The following RBM23 variants were observed in gnomAD, a reference collection of about 807,000 sequenced individuals.
The protein encoded by RBM23 is RNA binding motif protein 23.
RBM23 carries 53 observed loss-of-function variants against 56.2 expected under a neutral mutation model. The ratio of observed to expected loss-of-function variants is 0.94; its 90% confidence interval spans 0.76 to 1.19. RBM23 has a LOEUF of 1.19. RBM23 is among the 50% of genes most tolerant of loss of function. The pLI is 0.00. For missense variants in RBM23, 642 were observed against 590.3 expected (o/e 1.09, Z -0.91); for synonymous variants, 197 against 198.5 (o/e 0.99, Z 0.06).
chr14:22,902,459 C>A (rs2040723604), intron 10 of RBM23, 77 bp from the exon 11 acceptor site: 1 of 1,506,540 alleles, frequency 6.6e-7, no homozygotes, highest in Non-Finnish European at 8.9e-7. Flanking sequence ...ACTCCCTAGT[C>A]CTACTATCCC....
At chr14:22,904,402 T>C in intron 9 of RBM23, 76 bp from the exon 10 acceptor site, 2 of 1,278,390 alleles carry the variant, frequency 1.6e-6, no homozygotes, top group Non-Finnish European at 2.2e-6. Flanking sequence ...AGACTGCTTT[T>C]TTTTTTTTTT....
chr14:22,894,269 C>A lies in RBM23; in HGVS notation c.*7461G>T, dbSNP rs956480413. The A allele has an allele frequency of 8.5e-5, 13 of 152,216 alleles. No homozygotes were observed. Among genetic ancestry groups the A allele is most frequent in the Non-Finnish European group, 2.9e-5 (2 of 68,048 alleles). The allele number at this position is 152,216 out of a possible 1,614,324, so 9.4% of individuals were successfully genotyped here. A position where few individuals can be genotyped will look rare whatever the true frequency, so the allele number is the denominator to read the frequency against. On this transcript the variant is annotated 3_prime_UTR_variant, in exon 14 of 14. Coordinates refer to ENST00000359890, the MANE Select transcript of RBM23 (RefSeq NM_001077351.2). ...AAAGTCCAACGTGCCTTCCATAGGA[C>A]TCACGGGTAACACTTTTTTGGGTTT...
rs534626425 is a variant in RBM23 at position 22,893,367 on chromosome 14, A to T, written c.*8363T>A. ...ATATGCCAATCAGTGTGCCGGGCCC[A>T]ATGGGGAAAACAAATACAAATAAGA... On this transcript the variant is annotated 3_prime_UTR_variant, in exon 14 of 14. Transcript: ENST00000359890. 2 of 152,308 alleles carry T rather than the reference A, an allele frequency of 1.3e-5. No homozygotes were observed. The highest frequency in any genetic ancestry group is 3.9e-4 in the East Asian group (2 of 5,180). 9.4% of individuals were successfully genotyped at this position (152,308 alleles called of 1,614,324 possible). A position where few individuals can be genotyped will look rare whatever the true frequency, so the allele number is the denominator to read the frequency against.
At chr14:22,911,035 C>G (rs1487154487) in intron 2 of RBM23, among the ~76,000 whole-genome samples, 1 of 152,042 alleles carries the variant, frequency 6.6e-6, no homozygotes, top group Non-Finnish European at 1.5e-5. Flanking sequence ...GAAATTGGTG[C>G]TAGGTCTGAG....
chr14:22,906,640 G>C (rs1446499723), intron 4 of RBM23, among the ~76,000 whole-genome samples: 1 of 152,240 alleles, frequency 6.6e-6, no homozygotes, highest in South Asian at 2.1e-4. Flanking sequence ...AGAAAGACTA[G>C]TGTTTACTAG....
rs2042485938 is a variant in RBM23 at position 22,911,339 on chromosome 14, T to C, written c.55A>G (p.Lys19Glu). The change falls in exon 2 of 14, where the codon AAA (lysine) becomes GAA (glutamate). Residue 19 changes from lysine (K) to glutamate (E), a missense_variant. By Grantham distance (56) the Lys-to-Glu change is moderately conservative (BLOSUM62 1). Coordinates refer to ENST00000359890, the MANE Select transcript of RBM23 (RefSeq NM_001077351.2). ...GTGGAAAATATTACCTCTTCTTTTT[T>C]ATAGGGAGCTTCCAGCATGGCCTCA... ...VIEAMLEAPY[K>E]KEEDEQQRKE... is the part of the protein sequence containing the mutation. 2 of 1,613,724 alleles carry C rather than the reference T, an allele frequency of 1.2e-6. No homozygotes were observed. The highest frequency in any genetic ancestry group is 1.7e-6 in the Non-Finnish European group (2 of 1,179,750).
At chr14:22,913,797 C>T (rs1010153669) in intron 1 of RBM23, 4 of 151,620 alleles carry the variant, frequency 2.6e-5, no homozygotes, top group African/African-American at 9.7e-5. Context: ...TGCAATGAGC[C>T]GAGAACGCGC....
Position 22,902,369 on chromosome 14 carries a change from T to A in RBM23, c.944A>T (p.Glu315Val). ...CTGTTCCAGGGCCCGCCGGGCACAC[T>A]CAGAATCAGAGAACTATGAGAAACC... is the stretch of plus-strand genomic sequence containing the variant. Reference protein sequence around the residue: ...GYGFITFSDSECARRALEQLN... With the variant: ...GYGFITFSDSVCARRALEQLN... Residue 315 changes from glutamate (E) to valine (V), a missense_variant, in exon 11 of 14, where the codon GAG becomes GTG. Transcript: ENST00000359890. 2 of 1,612,208 alleles carry A rather than the reference T, an allele frequency of 1.2e-6. No individual in the cohort carries two copies. The highest frequency in any genetic ancestry group is 1.7e-6 in the Non-Finnish European group (2 of 1,178,448).
In RBM23 at chr14:22,905,007, C is replaced by T. The variant is rs779141384; in HGVS notation, c.732G>A (p.Glu244=). The part of the protein sequence containing the change: ...VPIIVQASQA[E]KNRLAAMANN... ...TGGCCATGGCTGCCAGTCGGTTTTTCTCTGCCTGGGGAAGGAGGAAATGAT... is the reference window on the plus strand; with the variant it reads ...TGGCCATGGCTGCCAGTCGGTTTTTTTCTGCCTGGGGAAGGAGGAAATGAT... The change falls in exon 9 of 14, where the codon GAG becomes GAA. Residue 244 remains glutamate (E), a synonymous_variant. Coordinates refer to ENST00000359890, the MANE Select transcript of RBM23 (RefSeq NM_001077351.2). The T allele has an allele frequency of 1.9e-6, 3 of 1,614,210 alleles. No individual in the cohort carries two copies. Among genetic ancestry groups the T allele is most frequent in the South Asian group, 1.1e-5 (1 of 91,090 alleles).
In RBM23 at chr14:22,905,412, C is replaced by A. The variant is rs572895941; in HGVS notation, c.497G>T (p.Arg166Leu). Residue 166 changes from arginine to leucine, a missense_variant, in exon 7 of 14, where the codon CGC becomes CTC. Physicochemically the swap from Arg to Leu is moderately radical, Grantham distance 102. Transcript: ENST00000359890. The stretch of plus-strand genomic sequence containing the variant: ...AGCTAACTGCATACAGAAAACTGTG[C>A]GGGCATCACGCTCCTCAGGACTCAG... ...DNLSPEERDA[R>L]TVFCMQLAAR... The A allele has an allele frequency of 6.2e-7, 1 of 1,614,120 alleles. No individual in the cohort carries two copies. Among genetic ancestry groups the A allele is most frequent in the Non-Finnish European group, 8.5e-7 (1 of 1,180,028 alleles).
intron 10 of RBM23, chr14:22,902,950 T>C (rs1566532537): frequency 3.1e-5 from 21 of 681,650 alleles, no homozygotes; most frequent in Non-Finnish European, 3.3e-5. Context: ...AGTTTTTTTA[T>C]TTTTATTTTT....
In RBM23 at chr14:22,901,569, G is replaced by A; in HGVS notation, c.*161C>T. On this transcript the variant is annotated 3_prime_UTR_variant, in exon 14 of 14. Coordinates refer to ENST00000359890, the MANE Select transcript of RBM23 (RefSeq NM_001077351.2). ...ATTTCCAGTGGGACCATGGGCAGGAGCTTTTCTTGGTATCTTAAGGGTGGC... is the reference window on the plus strand; with the variant it reads ...ATTTCCAGTGGGACCATGGGCAGGAACTTTTCTTGGTATCTTAAGGGTGGC... The A allele has an allele frequency of 9.5e-7, 1 of 1,048,312 alleles. No individual in the cohort carries two copies. The highest frequency in any genetic ancestry group is 1.6e-5 in the South Asian group (1 of 64,358). 64.9% of individuals were successfully genotyped at this position (1,048,312 alleles called of 1,614,324 possible).
rs577779135 is a variant in RBM23, at chr14:22,905,461, G to T, written c.456-8C>A. The stretch of plus-strand genomic sequence containing the variant: ...AGATTATCAACTGGCTCCCTGAAGA[G>T]TGAAATGTGTTGAGACCAGCCCTCC... On this transcript the variant is annotated splice_region_variant and splice_polypyrimidine_tract_variant and intron_variant, in intron 6 of 13. Coordinates refer to ENST00000359890, the MANE Select transcript of RBM23 (RefSeq NM_001077351.2). 2.5e-6 allele frequency: 4 copies of T among 1,613,890 alleles called. No individual in the cohort carries two copies. In the South Asian group the frequency reaches 4.4e-5, roughly 18 times the overall value.
Position 22,894,874 on chromosome 14 carries a change from C to A in RBM23, c.*6856G>T, listed in dbSNP as rs980747169. ...CTAAAACAGTGAAACCCCATCTCTACTAAAAAATACAAAAAATTAGCCGGG... is the reference window on the plus strand; with the variant it reads ...CTAAAACAGTGAAACCCCATCTCTAATAAAAAATACAAAAAATTAGCCGGG... On this transcript the variant is annotated 3_prime_UTR_variant, in exon 14 of 14. Coordinates refer to ENST00000359890, the MANE Select transcript of RBM23 (RefSeq NM_001077351.2). 5.9e-5 allele frequency: 9 copies of A among 151,484 alleles called. No individual in the cohort carries two copies. Among genetic ancestry groups the A allele is most frequent in the Admixed American group, 5.3e-4 (8 of 15,192 alleles). 9.4% of individuals were successfully genotyped at this position (151,484 alleles called of 1,614,324 possible). A position where few individuals can be genotyped will look rare whatever the true frequency, so the allele number is the denominator to read the frequency against.
chr14:22,917,847 T>C (rs565144308), intron 1 of RBM23: 5 of 152,370 alleles, frequency 3.3e-5, no homozygotes, highest in African/African-American at 9.6e-5. Context: ...CGTCAGTTCC[T>C]AGACCTCGTC....
intron 10 of RBM23, 91 bp from the exon 11 acceptor site, chr14:22,902,473 A>C: frequency 6.8e-7 from 1 of 1,479,988 alleles, no homozygotes; most frequent in Non-Finnish European, 9.0e-7. Flanking sequence ...CTATCCCAGG[A>C]AAATTGTATG....
In RBM23 at chr14:22,911,414, G is replaced by A. The variant is rs149037589; in HGVS notation, c.-10-11C>T. The A allele has an allele frequency of 3.7e-4, 601 of 1,602,936 alleles. 3 individuals are homozygous for A. The African/African-American group carries it at 7.5e-3, about 20-fold the overall frequency. On this transcript the variant is annotated splice_polypyrimidine_tract_variant and intron_variant, in intron 1 of 13. Transcript: ENST00000359890. ...GCCATCCTGTCAGATCTGGGGAGAG[G>A]ATATTAATATGTAAGAATCTGTTTT...
chr14:22,906,418 A>C (rs757509704), intron 4 of RBM23, 50 bp from the exon 5 acceptor site: 124 of 1,596,458 alleles, frequency 7.8e-5, no homozygotes, highest in Admixed American at 1.2e-4. Flanking sequence ...TTAGGCCAAC[A>C]ACCAAGTGCA....
rs2040315591 is a variant in RBM23 at position 22,899,780 on chromosome 14, A to G, written c.*1950T>C. The G allele has an allele frequency of 6.6e-6, 1 of 152,258 alleles. No homozygotes were observed. The highest frequency in any genetic ancestry group is 2.4e-5 in the African/African-American group (1 of 41,470). 9.4% of individuals were successfully genotyped at this position (152,258 alleles called of 1,614,324 possible). On this transcript the variant is annotated 3_prime_UTR_variant, in exon 14 of 14. Transcript: ENST00000359890. ...GCCTTTTATGACTCAAGCAGGCTTC[A>G]AGTATTTAAATGATTTTGTGTTAAA...
Sources: allele counts gnomAD v4.1 joint callset (sites outside exome capture counted in the v4.1 genomes callset), GRCh38; gene constraint gnomAD v4.1.1; transcripts MANE v1.5; gene names NCBI Gene and HGNC (gene_info 2026-07-23, HGNC 2026-07-21).